Variants in SLC24A2 observed in about 807,000 individuals in gnomAD.
SLC24A2 encodes sodium/potassium/calcium exchanger 2.
In SLC24A2, 36 loss-of-function variants were observed where a neutral mutation model predicts 62.0. The ratio of observed to expected loss-of-function variants is 0.58; its 90% CI spans 0.44 to 0.77. The LOEUF (loss-of-function observed/expected upper bound fraction) is 0.77. Ranked by LOEUF, SLC24A2 falls within the 30% of genes least tolerant of loss-of-function variation. SLC24A2 has a pLI of 0.00. For missense variants in SLC24A2, 846 were observed against 817.9 expected (o/e 1.03, Z -0.42); for synonymous variants, 358 against 294.0 (o/e 1.22, Z -2.23).
At chr9:19,531,540 T>C (rs1243885859) in intron 8 of SLC24A2, among the ~76,000 whole-genome samples, 4 of 152,200 alleles carry the variant, frequency 2.6e-5, no homozygotes, top group Non-Finnish European at 5.9e-5. Flanking sequence ...TAGAAGCTTT[T>C]GGTACATCAG....
chr9:19,524,091 A>C (rs75306027), intron 9 of SLC24A2, among the ~76,000 whole-genome samples: 1 of 149,894 alleles, frequency 6.7e-6, no homozygotes, highest in East Asian at 2.0e-4. Flanking sequence ...TAGAGCTTTT[A>C]ATAGAAAGAA....
chr9:19,788,120 C>T (rs1234280407), intron 1 of SLC24A2, among the ~76,000 whole-genome samples: 1 of 152,192 alleles, frequency 6.6e-6, no homozygotes, highest in African/African-American at 2.4e-5. Flanking sequence ...ATTAAACACA[C>T]GCCACTTAAA....
the SLC24A2 span, among the ~76,000 whole-genome samples, chr9:20,015,217 C>T: frequency 1.3e-5 from 2 of 152,150 alleles, no homozygotes; most frequent in African/African-American, 4.8e-5. Context: ...CTAACCTCAG[C>T]AGGTCAGAGC....
chr9:19,554,746 T>G (rs916239880), intron 7 of SLC24A2, among the ~76,000 whole-genome samples: 1 of 152,172 alleles, frequency 6.6e-6, no homozygotes, highest in Admixed American at 6.5e-5. Flanking sequence ...AGGGGACATT[T>G]TGACCACAGC....
At chr9:20,039,389 G>A in the SLC24A2 span, among the ~76,000 whole-genome samples, 1 of 151,854 alleles carries the variant, frequency 6.6e-6, no homozygotes, top group Non-Finnish European at 1.5e-5. Context: ...AAGGCTGAGG[G>A]AAAGGTTGGG....
the SLC24A2 span, among the ~76,000 whole-genome samples, chr9:19,944,888 A>G: frequency 6.6e-6 from 1 of 152,310 alleles, no homozygotes; most frequent in East Asian, 1.9e-4. Context: ...GCTGGACTTA[A>G]AAGAGTCAGA....
chr9:19,754,145 A>T (rs1822063153), intron 2 of SLC24A2, among the ~76,000 whole-genome samples: 1 of 152,210 alleles, frequency 6.6e-6, no homozygotes, highest in Non-Finnish European at 1.5e-5. Context: ...CCACTGAATG[A>T]ATTCCTCAGA....
chr9:19,995,844 G>A, the SLC24A2 span, among the ~76,000 whole-genome samples: 2 of 152,230 alleles, frequency 1.3e-5, no homozygotes, highest in African/African-American at 2.4e-5. Flanking sequence ...CAGGCATCAT[G>A]TGCTTAGTCA....
chr9:20,176,909 T>TGGGTGGG, the SLC24A2 span, among the ~76,000 whole-genome samples: 1 of 151,384 alleles, frequency 6.6e-6, no homozygotes, highest in Non-Finnish European at 1.5e-5. Context: ...ATCTAAAGTG[T>TGGGTGGG]GAGGATGGAG....
the SLC24A2 span, among the ~76,000 whole-genome samples, chr9:19,892,058 T>G: frequency 6.6e-6 from 1 of 152,214 alleles, no homozygotes; most frequent in Non-Finnish European, 1.5e-5. Context: ...TTTCTCTTCG[T>G]TTGTCACTCT....
chr9:20,143,092 CT>C, the SLC24A2 span, among the ~76,000 whole-genome samples: 1 of 152,192 alleles, frequency 6.6e-6, no homozygotes, highest in African/African-American at 2.4e-5. Flanking sequence ...AAATGTAGGT[CT>C]GCTGATTCTA....
the SLC24A2 span, among the ~76,000 whole-genome samples, chr9:20,204,853 C>T: frequency 4.6e-5 from 7 of 151,342 alleles, no homozygotes; most frequent in African/African-American, 1.7e-4. Flanking sequence ...ACTCCATTCT[C>T]CTGCCTCAGC....
chr9:19,893,919 G>C, the SLC24A2 span, among the ~76,000 whole-genome samples: 2 of 152,188 alleles, frequency 1.3e-5, no homozygotes, highest in Admixed American at 6.5e-5. Context: ...CTACTCTCTA[G>C]TAGGAGGAAA....
chr9:19,939,102 T>C, the SLC24A2 span, among the ~76,000 whole-genome samples: 2 of 152,260 alleles, frequency 1.3e-5, no homozygotes, highest in Non-Finnish European at 2.9e-5. Flanking sequence ...TGTCTTCTTC[T>C]AGTAGTCTTG....
intron 4 of SLC24A2, among the ~76,000 whole-genome samples, chr9:19,605,320 C>T (rs2132921098): frequency 6.6e-6 from 1 of 152,206 alleles, no homozygotes; most frequent in East Asian, 1.9e-4. Context: ...CACCTATGGA[C>T]CCCAGGTAGA....
the SLC24A2 span, among the ~76,000 whole-genome samples, chr9:20,300,487 T>C: frequency 6.6e-6 from 1 of 152,192 alleles, no homozygotes; most frequent in South Asian, 2.1e-4. Context: ...ATTCTCCCCT[T>C]TGTGTTAAAA....
rs573729770 is a variant in SLC24A2, at chr9:19,583,102, C to CA, written c.1130-6081dup. On this transcript the variant is annotated intron_variant, in intron 5 of 10. Transcript: ENST00000341998. ...TGGGTCCCTAGGTCAAAGTGAAAGC[C>CA]AAAGTCTTACTGATTCTGTGCAGTG... Among the ~76,000 whole-genome samples the CA allele has an allele frequency of 1.3e-4, 20 of 152,256 alleles. 1 individual carries two copies. Among genetic ancestry groups the CA allele is most frequent in the African/African-American group, 4.6e-4 (19 of 41,554 alleles).
intron 5 of SLC24A2, among the ~76,000 whole-genome samples, chr9:19,594,234 C>T (rs1023709319): frequency 1.3e-5 from 2 of 152,058 alleles, no homozygotes; most frequent in East Asian, 1.9e-4. Context: ...CAGTGATTGC[C>T]GTGTGTTATT....
At chr9:19,653,953 G>C (rs1818871017) in intron 2 of SLC24A2, among the ~76,000 whole-genome samples, 1 of 152,052 alleles carries the variant, frequency 6.6e-6, no homozygotes, top group African/African-American at 2.4e-5. Flanking sequence ...ATTTACATAC[G>C]AGTCACTCAT....
Sources: gnomAD v4.1 joint callset for allele counts (sites outside exome capture counted in the v4.1 genomes callset) on GRCh38, gnomAD v4.1.1 for gene constraint, MANE v1.5 for transcripts, NCBI Gene and HGNC (gene_info 2026-07-23, HGNC 2026-07-21) for gene names.